Variants in PRUNE2 observed in about 807,000 individuals in gnomAD.
PRUNE2 encodes prune homolog 2 with BCH domain.
A neutral mutation model predicts 252.0 loss-of-function variants in PRUNE2; 164 were observed. The observed-to-expected ratio is 0.65, with a 90% CI of 0.57 to 0.74. The LOEUF (loss-of-function observed/expected upper bound fraction) is 0.74. Ranked by LOEUF, PRUNE2 falls within the 30% of genes least tolerant of loss-of-function variation. PRUNE2 has a pLI of 0.00. For missense variants in PRUNE2, 3,495 were observed against 3,711.0 expected (o/e 0.94, Z 1.51); for synonymous variants, 1,292 against 1,350.2 (o/e 0.96, Z 0.94).
At chr9:76,812,810 C>T (rs1469851160) in intron 6 of PRUNE2, among the ~76,000 whole-genome samples, 1 of 152,194 alleles carries the variant, frequency 6.6e-6, no homozygotes, top group Non-Finnish European at 1.5e-5. Context: ...TCTAATTTCG[C>T]AGTGCTGTGC....
rs1199809444 is a variant in PRUNE2 at position 76,708,816 on chromosome 9, G to C, written c.3458C>G (p.Thr1153Arg). ...GGAAIPSDGQ[T>R]EGYMAEGSEP... is the part of the protein sequence containing the mutation. ...GGAACCTTCAGCCATGTATCCTTCT[G>C]TTTGACCATCACTGGGGATTGCCGC... Residue 1153 changes from threonine to arginine, a missense_variant, in exon 8 of 19, where the codon ACA (threonine) becomes AGA (arginine). By Grantham distance (71) the Thr-to-Arg change is moderately conservative. Transcript: ENST00000376718. 6.2e-7 allele frequency: 1 copy of C among 1,613,774 alleles called. No individual in the cohort carries two copies. The highest frequency in any genetic ancestry group is 1.7e-5 in the Admixed American group (1 of 59,988).
intron 6 of PRUNE2, among the ~76,000 whole-genome samples, chr9:76,782,385 A>G (rs10121299): frequency 0.077 from 11,680 of 152,178 alleles, 452 homozygotes; most frequent in African/African-American, 0.11. Context: ...TCAGTGGAGT[A>G]GTTAAGACCA....
rs2044001888 is a variant in PRUNE2 at position 76,685,632 on chromosome 9, T to C, written c.8276+17705A>G. On this transcript the variant is annotated intron_variant, in intron 9 of 18. Coordinates refer to ENST00000376718, the MANE Select transcript of PRUNE2 (RefSeq NM_015225.3). ...GGGAAGACCGGAAGACCAGAAGACA[T>C]GGGGAGAAGACAGCCATATGCAAGC... Among the ~76,000 whole-genome samples the C allele has an allele frequency of 1.3e-5, 2 of 152,090 alleles. 1 individual carries two copies. The highest frequency in any genetic ancestry group is 4.1e-4 in the South Asian group (2 of 4,824).
At chr9:76,819,550 T>G (rs912841531) in intron 6 of PRUNE2, 2 of 152,182 alleles carry the variant, frequency 1.3e-5, no homozygotes, top group African/African-American at 4.8e-5. Context: ...ACAATAAATT[T>G]CTATTGTTTA....
chr9:76,905,546 T>G (rs2063438760), intron 1 of PRUNE2, among the ~76,000 whole-genome samples: 1 of 152,226 alleles, frequency 6.6e-6, no homozygotes, highest in Non-Finnish European at 1.5e-5. Context: ...GGGTCTCTTT[T>G]TTTCCTTTTA....
At chr9:76,691,327 T>C (rs1218815186) in intron 9 of PRUNE2, among the ~76,000 whole-genome samples, 2 of 152,236 alleles carry the variant, frequency 1.3e-5, no homozygotes, top group Admixed American at 1.3e-4. Flanking sequence ...TCACTTCTAC[T>C]AGGTAAGAGT....
intron 6 of PRUNE2, chr9:76,758,752 C>T (rs1038939365): frequency 3.3e-5 from 5 of 152,092 alleles, no homozygotes; most frequent in African/African-American, 1.2e-4. Context: ...ACATTTAACC[C>T]TCAACACAAT....
At chr9:76,860,136 G>A (rs1031737935) in intron 1 of PRUNE2, among the ~76,000 whole-genome samples, 18 of 152,298 alleles carry the variant, frequency 1.2e-4, no homozygotes, top group African/African-American at 4.3e-4. Context: ...GGGAGTCTCA[G>A]GACCAGGGGG....
chr9:76,898,276 C>G (rs1451899673), intron 1 of PRUNE2, among the ~76,000 whole-genome samples: 2 of 152,220 alleles, frequency 1.3e-5, no homozygotes, highest in African/African-American at 4.8e-5. Context: ...TTAGGGCAGG[C>G]AGCCTCTGCC....
rs530237866 is a variant in PRUNE2, at chr9:76,663,354, G to C, written c.8277-7852C>G. Among the ~76,000 whole-genome samples the C allele has an allele frequency of 3.9e-5, 6 of 152,334 alleles. No homozygotes were observed. The South Asian group carries it at 1.2e-3, about 32-fold the overall frequency. On this transcript the variant is annotated intron_variant, in intron 9 of 18. Coordinates refer to ENST00000376718, the MANE Select transcript of PRUNE2 (RefSeq NM_015225.3). ...GAAGAGAGATGAAGGAGGGAGGTGA[G>C]AGCTGGAAACTGACTGCACACAGTA...
intron 6 of PRUNE2, among the ~76,000 whole-genome samples, chr9:76,791,252 A>G (rs2055525495): frequency 1.3e-5 from 2 of 150,140 alleles, no homozygotes; most frequent in African/African-American, 4.9e-5. Context: ...TGCACCAATT[A>G]TCATTGGTAC....
At chr9:76,733,980 G>A (rs755401752) in intron 6 of PRUNE2, among the ~76,000 whole-genome samples, 2 of 150,920 alleles carry the variant, frequency 1.3e-5, no homozygotes, top group Non-Finnish European at 2.9e-5. Flanking sequence ...TAATCCTGTA[G>A]CCAAAAACTA....
rs1554761633 is a variant in PRUNE2, at chr9:76,774,456, T to TTATTTATTTATTTATTTATTTA, written c.756+49175_756+49176insTAAATAAATAAATAAATAAATA. Reference sequence around the variant, plus strand: ...CCTGGCCTCCAGTTCAACCCTTTTTTTTTTTTTTTTTTTTTTTTTTTGAGA... The same window carrying TTATTTATTTATTTATTTATTTA: ...CCTGGCCTCCAGTTCAACCCTTTTTTTATTTATTTATTTATTTATTTATTTTTTTTTTTTTTTTTTTTTGAGA... On this transcript the variant is annotated intron_variant, in intron 6 of 18. Transcript: ENST00000376718. Among the ~76,000 whole-genome samples, 436 of 133,888 alleles carry TTATTTATTTATTTATTTATTTA rather than the reference T, an allele frequency of 3.3e-3. 5 individuals are homozygous for TTATTTATTTATTTATTTATTTA. The highest frequency in any genetic ancestry group is 9.0e-3 in the East Asian group (42 of 4,692). The allele number at this position is 133,888 out of a possible 152,430, so 87.8% of individuals were successfully genotyped here. A position where few individuals can be genotyped will look rare whatever the true frequency, so the allele number is the denominator to read the frequency against.
intron 6 of PRUNE2, among the ~76,000 whole-genome samples, chr9:76,753,552 T>G (rs1333874465): frequency 6.6e-6 from 1 of 152,042 alleles, no homozygotes; most frequent in Non-Finnish European, 1.5e-5. Flanking sequence ...TGAGGGTGCA[T>G]TTTGAAAAAT....
intron 6 of PRUNE2, among the ~76,000 whole-genome samples, chr9:76,806,841 G>A (rs1034634463): frequency 2.0e-5 from 3 of 151,788 alleles, no homozygotes; most frequent in Non-Finnish European, 4.4e-5. Flanking sequence ...TAAGCTTTTT[G>A]CAAATATTAA....
In PRUNE2 at chr9:76,709,547, C is replaced by T. The variant is rs2134971130; in HGVS notation, c.2727G>A (p.Arg909=). Residue 909 remains arginine (R), a synonymous_variant, in exon 8 of 19, where the codon AGG becomes AGA. Transcript: ENST00000376718. ...AATCTACCTTTTCATATACCTTGCC[C>T]CTAGTTTTAGGATCCACTAAACCAT... ...DQNGLVDPKT[R]GKVYEKVDSW... 1.9e-6 allele frequency: 3 copies of T among 1,613,936 alleles called. No individual in the cohort carries two copies. In the Admixed American group the frequency reaches 5.0e-5, roughly 27 times the overall value.
At chr9:76,754,991 C>CA (rs1325710581) in intron 6 of PRUNE2, among the ~76,000 whole-genome samples, 2 of 145,970 alleles carry the variant, frequency 1.4e-5, no homozygotes, top group East Asian at 2.0e-4. Context: ...AAAAAAAACC[C>CA]AAAAAAACAA....
intron 9 of PRUNE2, among the ~76,000 whole-genome samples, chr9:76,656,720 A>G (rs1185815670): frequency 6.6e-6 from 1 of 152,166 alleles, no homozygotes; most frequent in Non-Finnish European, 1.5e-5. Context: ...GAGCTAATAC[A>G]ATGACCCCTA....
intron 6 of PRUNE2, among the ~76,000 whole-genome samples, chr9:76,771,588 T>C (rs777597625): frequency 3.3e-5 from 5 of 152,160 alleles, no homozygotes; most frequent in South Asian, 2.1e-4. Flanking sequence ...ATCAAGGTGT[T>C]TGGGTAACAC....
Sources: allele counts gnomAD v4.1 joint callset (sites outside exome capture counted in the v4.1 genomes callset), GRCh38; gene constraint gnomAD v4.1.1; transcripts MANE v1.5; gene names NCBI Gene and HGNC (gene_info 2026-07-23, HGNC 2026-07-21).